The following PGAP3 variants were observed in gnomAD, a reference collection of about 807,000 sequenced individuals.
PGAP3 encodes post-GPI attachment to proteins phospholipase 3.
PGAP3 carries 31 observed loss-of-function variants against 40.3 expected under a neutral mutation model. The ratio of observed to expected loss-of-function variants is 0.77; its 90% CI spans 0.58 to 1.04. The LOEUF (loss-of-function observed/expected upper bound fraction) is 1.04. PGAP3 is among the 50% of genes least tolerant of loss of function. PGAP3 has a pLI of 0.00. For missense variants in PGAP3, 413 were observed against 423.0 expected, an observed-to-expected ratio of 0.98 and a Z score of 0.21; for synonymous variants, 191 against 184.5, an observed-to-expected ratio of 1.04 and a Z score of -0.29.
Position 39,684,729 on chromosome 17 carries a change from C to G in PGAP3, c.300G>C (p.Leu100=), listed in dbSNP as rs1432683660. Residue 100 remains leucine (L), a synonymous_variant, in exon 3 of 8, where the codon CTG becomes CTC. Transcript: ENST00000300658. ...CGGCCGATGCCGGCTCTTGAAAGAA[C>G]AGGAACCGGGAGAAGGGCCACTGAA... ...FHGKWPFSRF[L]FFQEPASAVA... 6.2e-7 allele frequency: 1 copy of G among 1,609,404 alleles called. No homozygotes were observed. The highest frequency in any genetic ancestry group is 8.5e-7 in the Non-Finnish European group (1 of 1,177,982).
chr17:39,673,312 C>T, intron 6 of PGAP3, 57 bp from the exon 7 acceptor site: 2 of 1,557,492 alleles, frequency 1.3e-6, no homozygotes, highest in Admixed American at 3.8e-5. Flanking sequence ...TCCCCAAGGC[C>T]ACCCCCAACT....
intron 3 of PGAP3, among the ~76,000 whole-genome samples, chr17:39,678,449 C>T (rs1427646435): frequency 6.6e-6 from 1 of 152,208 alleles, no homozygotes; most frequent in East Asian, 1.9e-4. Flanking sequence ...CTTTGGTAGG[C>T]TCCCCACCCG....
At position 39,687,825 on chromosome 17, in the gene PGAP3, G is replaced by T; in HGVS notation, c.181+9C>A. 1 of 1,418,850 alleles carries T rather than the reference G, an allele frequency of 7.0e-7. No individual in the cohort carries two copies. Among genetic ancestry groups the T allele is most frequent in the East Asian group, 2.8e-5 (1 of 36,044 alleles). 87.9% of individuals were successfully genotyped at this position (1,418,850 alleles called of 1,614,324 possible). A position where few individuals can be genotyped will look rare whatever the true frequency, so the allele number is the denominator to read the frequency against. ...AATGGGCGGGGCTTACCGTGGGGGT[G>T]GGGCTTACCTGCTAGACTCATGTAG... On this transcript the variant is annotated intron_variant, in intron 1 of 7. Transcript: ENST00000300658.
At position 39,682,155 on chromosome 17, in the gene PGAP3, G is replaced by A. The variant is rs574628615; in HGVS notation, c.432+2442C>T. 6.5e-5 allele frequency among the ~76,000 whole-genome samples: 9 copies of A among 138,506 alleles called. No individual in the cohort carries two copies. In the East Asian group the frequency reaches 2.0e-3, roughly 30 times the overall value. The allele number at this position is 138,506 out of a possible 152,430, so 90.9% of individuals were successfully genotyped here. A position where few individuals can be genotyped will look rare whatever the true frequency, so the allele number is the denominator to read the frequency against. On this transcript the variant is annotated intron_variant, in intron 3 of 7. Transcript: ENST00000300658. ...GCAGGAGAATGGCGTGAACCCGGAA[G>A]GCAGAGCTTGCAGTGGGCCAAGATG...
chr17:39,681,441 C>G (rs917066743), intron 3 of PGAP3, among the ~76,000 whole-genome samples: 6 of 152,084 alleles, frequency 3.9e-5, no homozygotes, highest in Non-Finnish European at 8.8e-5. Flanking sequence ...GGATTGAGCC[C>G]CCGCACTAGA....
At position 39,671,327 on chromosome 17, in the gene PGAP3, A is replaced by G. The variant is rs1343672811; in HGVS notation, c.*1476T>C. On this transcript the variant is annotated 3_prime_UTR_variant, in exon 8 of 8. Coordinates refer to ENST00000300658, the MANE Select transcript of PGAP3 (RefSeq NM_033419.5). ...ACCACGGAGACTGCCTTTGGGATGG[A>G]AAGTTTCTGGAGCTCCCTCCATTCT... 1.3e-5 allele frequency: 2 copies of G among 152,328 alleles called. No homozygotes were observed. The highest frequency in any genetic ancestry group is 2.4e-5 in the African/African-American group (1 of 41,430). 9.4% of individuals were successfully genotyped at this position (152,328 alleles called of 1,614,324 possible). A position where few individuals can be genotyped will look rare whatever the true frequency, so the allele number is the denominator to read the frequency against.
rs2057506084 is a variant in PGAP3, at chr17:39,685,951, C to T, written c.250G>A (p.Gly84Ser). The T allele has an allele frequency of 1.2e-6, 2 of 1,613,374 alleles. No individual in the cohort carries two copies. Among genetic ancestry groups the T allele is most frequent in the African/African-American group, 1.3e-5 (1 of 74,920 alleles). Residue 84 changes from glycine to serine, a missense_variant, in exon 2 of 8, where the codon GGT becomes AGT. Transcript: ENST00000300658. The stretch of plus-strand genomic sequence containing the variant: ...CCATGGAACTGAGGCACTTTGTGAC[C>T]TTCCTGGAGGTAGAGCCCAACGGTG... ...WVTVGLYLQE[G>S]HKVPQFHGKW... is the part of the protein sequence containing the mutation.
intron 2 of PGAP3, among the ~76,000 whole-genome samples, chr17:39,685,205 C>T (rs1244794387): frequency 6.6e-5 from 10 of 151,596 alleles, no homozygotes; most frequent in Non-Finnish European, 1.2e-4. Flanking sequence ...AGGCCAGGCG[C>T]GGTGGCTCAC....
chr17:39,681,103 C>A (rs764023305), intron 3 of PGAP3, among the ~76,000 whole-genome samples: 2 of 152,102 alleles, frequency 1.3e-5, no homozygotes, highest in African/African-American at 2.4e-5. Flanking sequence ...TGAGCTCAAG[C>A]AATCCGCCCA....
chr17:39,685,121 A>G (rs1452189468), intron 2 of PGAP3, among the ~76,000 whole-genome samples: 1 of 152,104 alleles, frequency 6.6e-6, no homozygotes, highest in Admixed American at 6.5e-5. Context: ...TTACTCTGTG[A>G]AAAACTGGGG....
At chr17:39,682,647 C>A (rs1317439371) in intron 3 of PGAP3, among the ~76,000 whole-genome samples, 1 of 152,170 alleles carries the variant, frequency 6.6e-6, no homozygotes, top group Non-Finnish European at 1.5e-5. Context: ...AGCTACTGGG[C>A]CCTGTGCTAA....
intron 3 of PGAP3, among the ~76,000 whole-genome samples, chr17:39,683,989 T>C (rs1198524218): frequency 1.3e-5 from 2 of 151,964 alleles, no homozygotes; most frequent in Non-Finnish European, 2.9e-5. Context: ...CCAGGTGTGG[T>C]GGCACGCGCC....
intron 3 of PGAP3, among the ~76,000 whole-genome samples, chr17:39,675,514 A>C (rs988675028): frequency 3.3e-5 from 5 of 152,284 alleles, no homozygotes; most frequent in African/African-American, 4.8e-5. Context: ...TGACAACCAA[A>C]GGAACAGCAG....
intron 3 of PGAP3, among the ~76,000 whole-genome samples, chr17:39,684,293 C>A (rs2057479811): frequency 1.3e-5 from 2 of 152,130 alleles, no homozygotes; most frequent in African/African-American, 2.4e-5. Context: ...CCCCATCTCC[C>A]CTCTGTGTTT....
At position 39,687,756 on chromosome 17, in the gene PGAP3, G is replaced by C. The variant is rs981774047; in HGVS notation, c.181+78C>G. On this transcript the variant is annotated intron_variant, in intron 1 of 7. Coordinates refer to ENST00000300658, the MANE Select transcript of PGAP3 (RefSeq NM_033419.5). ...CCTCGTGGGGAAACTAAGGTTCAGG[G>C]ATTGCAGAGGCGTATTGGGGGCGCA... 1.1e-5 allele frequency: 13 copies of C among 1,141,460 alleles called. No homozygotes were observed. The African/African-American group carries it at 1.8e-4, about 16-fold the overall frequency. The allele number at this position is 1,141,460 out of a possible 1,614,324, so 70.7% of individuals were successfully genotyped here. A position where few individuals can be genotyped will look rare whatever the true frequency, so the allele number is the denominator to read the frequency against.
intron 3 of PGAP3, among the ~76,000 whole-genome samples, chr17:39,676,046 G>C (rs1309035062): frequency 6.6e-6 from 1 of 152,156 alleles, no homozygotes; most frequent in Non-Finnish European, 1.5e-5. Context: ...TGGCCACTCT[G>C]TCCCTTCCAC....
chr17:39,685,046 G>A (rs1386855845), intron 2 of PGAP3: 5 of 310,212 alleles, frequency 1.6e-5, no homozygotes. Flanking sequence ...GCACAGAGTT[G>A]CCATCCAGAA....
rs1332400574 is a variant in PGAP3 at position 39,674,639 on chromosome 17, G to C, written c.473C>G (p.Thr158Ser). Residue 158 changes from threonine to serine, a missense_variant, in exon 4 of 8, where the codon ACC (threonine) becomes AGC (serine). By Grantham distance (58) the Thr-to-Ser change is moderately conservative (BLOSUM62 1). Transcript: ENST00000300658. The part of the protein sequence containing the change: ...NAWFWSTVFH[T>S]RDTDLTEKMD... ...CACCTCTGTGAGGTCAGTGTCCCTG[G>C]TGTGGAAAACTGTGGACCAGAACCA... 5.2e-6 allele frequency: 8 copies of C among 1,551,266 alleles called. No homozygotes were observed. Among genetic ancestry groups the C allele is most frequent in the Non-Finnish European group, 7.0e-6 (8 of 1,146,742 alleles).
chr17:39,673,774 A>G (rs1196022989), intron 5 of PGAP3, 124 bp from the exon 6 acceptor site: 8 of 1,387,700 alleles, frequency 5.8e-6, no homozygotes, highest in African/African-American at 4.3e-5. Flanking sequence ...TCTCCCCACC[A>G]AACAGGCCAC....
Sources: gnomAD v4.1 joint callset for allele counts (sites outside exome capture counted in the v4.1 genomes callset) on GRCh38, gnomAD v4.1.1 for gene constraint, MANE v1.5 for transcripts, NCBI Gene and HGNC (gene_info 2026-07-23, HGNC 2026-07-21) for gene names.